LIN54: variants seen among roughly 807,000 people sequenced by gnomAD.
LIN54 encodes the protein lin-54 DREAM MuvB core complex component, also known as protein lin-54 homolog.
A neutral mutation model predicts 78.7 loss-of-function variants in LIN54; 9 were observed. The observed-to-expected ratio is 0.11, with a 90% CI of 0.07 to 0.20. The LOEUF (loss-of-function observed/expected upper bound fraction) is 0.20. Ranked by LOEUF, LIN54 falls within the 10% of genes least tolerant of loss-of-function variation. The pLI is 1.00. For missense variants in LIN54, 573 were observed against 889.9 expected (o/e 0.64, Z 4.53); for synonymous variants, 269 against 318.4 (o/e 0.84, Z 1.65).
chr4:82,975,539 C>T (rs967191307), intron 3 of LIN54, among the ~76,000 whole-genome samples: 1 of 151,796 alleles, frequency 6.6e-6, no homozygotes, highest in Non-Finnish European at 1.5e-5. Flanking sequence ...GGTGAAACCC[C>T]GTCTCCACTA....
intron 3 of LIN54, among the ~76,000 whole-genome samples, chr4:82,973,595 T>C (rs1340700836): frequency 1.3e-5 from 2 of 152,192 alleles, no homozygotes; most frequent in African/African-American, 4.8e-5. Context: ...AATATTTGAG[T>C]AAGGCCAAAT....
At chr4:82,969,513 G>A (rs181363847) in intron 4 of LIN54, among the ~76,000 whole-genome samples, 22 of 152,272 alleles carry the variant, frequency 1.4e-4, no homozygotes, top group African/African-American at 4.8e-4. Flanking sequence ...AACTGTATGA[G>A]ATAACATATT....
Position 82,984,317 on chromosome 4 carries a change from A to C in LIN54, c.528T>G (p.Ala176=). ...KVTTQAQSGD[A]KLPPQQIKVV... is the part of the protein sequence containing the mutation. Reference sequence around the variant, plus strand: ...CTTTAATTTGCTGCGGTGGTAACTTAGCATCTCCTGACTGGGCCTGAGTTG... The same window carrying C: ...CTTTAATTTGCTGCGGTGGTAACTTCGCATCTCCTGACTGGGCCTGAGTTG... The change falls in exon 2 of 13, where the codon GCT becomes GCG. Residue 176 remains alanine (A), a synonymous_variant. Coordinates refer to ENST00000340417, the MANE Select transcript of LIN54 (RefSeq NM_194282.4). The C allele has an allele frequency of 6.2e-7, 1 of 1,614,114 alleles. No homozygotes were observed.
chr4:82,934,500 C>T (rs755658842), intron 11 of LIN54, among the ~76,000 whole-genome samples: 5 of 152,224 alleles, frequency 3.3e-5, no homozygotes, highest in Non-Finnish European at 7.3e-5. Context: ...ATGTTACTCT[C>T]CTATTCCCTA....
At chr4:82,939,113 CA>C (rs1722630336) in intron 7 of LIN54, among the ~76,000 whole-genome samples, 1 of 152,190 alleles carries the variant, frequency 6.6e-6, no homozygotes, top group African/African-American at 2.4e-5. Context: ...GAAGATATGT[CA>C]CCTGGAAATG....
chr4:82,962,692 A>G (rs1267758042), intron 4 of LIN54, among the ~76,000 whole-genome samples: 1 of 152,092 alleles, frequency 6.6e-6, no homozygotes, highest in Non-Finnish European at 1.5e-5. Flanking sequence ...AAAAATCACA[A>G]ATGAAGAAGT....
At chr4:82,951,370 G>A (rs1578526880) in intron 4 of LIN54, among the ~76,000 whole-genome samples, 1 of 152,046 alleles carries the variant, frequency 6.6e-6, no homozygotes. Context: ...GAGTTATAGC[G>A]ACATGGATGA....
chr4:82,964,404 T>C (rs1368988298), intron 4 of LIN54, among the ~76,000 whole-genome samples: 2 of 152,196 alleles, frequency 1.3e-5, no homozygotes, highest in African/African-American at 4.8e-5. Flanking sequence ...TGCAGTAGAA[T>C]TAAACAAGTA....
upstream of LIN54, among the ~76,000 whole-genome samples, chr4:83,012,598 C>T (rs1456926981): frequency 6.6e-6 from 1 of 152,102 alleles, no homozygotes; most frequent in Non-Finnish European, 1.5e-5. Flanking sequence ...CCTTCGCCCC[C>T]CGCAACCCAG....
intron 1 of LIN54, among the ~76,000 whole-genome samples, chr4:83,004,915 G>A (rs1243331585): frequency 6.6e-6 from 1 of 152,084 alleles, no homozygotes; most frequent in Non-Finnish European, 1.5e-5. Context: ...TTGTTTTTGA[G>A]ACAGAGTCTG....
At chr4:82,983,307 C>G (rs1172306652) in intron 2 of LIN54, among the ~76,000 whole-genome samples, 1 of 152,076 alleles carries the variant, frequency 6.6e-6, no homozygotes, top group Admixed American at 6.6e-5. Context: ...GCCACCACGC[C>G]CCGCCGATCA....
At chr4:82,981,375 C>A (rs1726622450) in intron 2 of LIN54, among the ~76,000 whole-genome samples, 2 of 152,098 alleles carry the variant, frequency 1.3e-5, no homozygotes, top group Admixed American at 1.3e-4. Flanking sequence ...AAGGTCACCT[C>A]TTTTCTTCAT....
At chr4:82,993,310 G>T (rs1341552962) in intron 1 of LIN54, among the ~76,000 whole-genome samples, 4 of 147,146 alleles carry the variant, frequency 2.7e-5, no homozygotes, top group Non-Finnish European at 4.5e-5. Flanking sequence ...TCCGCCACCT[G>T]GGTTCAAGCG....
rs373735839 is a variant in LIN54, at chr4:82,970,398, C to T, written c.880G>A (p.Gly294Arg). The change falls in exon 4 of 13, where the codon GGA becomes AGA. Residue 294 changes from glycine to arginine, a missense_variant. By Grantham distance (125) the Gly-to-Arg change is moderately radical (BLOSUM62 -2). Around this residue, in one of 6 missense-constraint regions of LIN54, gnomAD observed 199 missense variants for 260.9 expected, o/e 0.76. Transcript: ENST00000340417. ...TGTGTTGTAGAATTTAAAGTTGATCCAATAACACCACTTTCAGATATTGTT... is the reference window on the plus strand; with the variant it reads ...TGTGTTGTAGAATTTAAAGTTGATCTAATAACACCACTTTCAGATATTGTT... ...TITISESGVIGSTLNSTTQTP... is the reference protein window; with the variant it reads ...TITISESGVIRSTLNSTTQTP... 43 of 1,612,772 alleles carry T rather than the reference C, an allele frequency of 2.7e-5. No homozygotes were observed. The highest frequency in any genetic ancestry group is 3.5e-5 in the Non-Finnish European group (41 of 1,179,262).
At chr4:82,992,714 C>T in intron 1 of LIN54, among the ~76,000 whole-genome samples, 1 of 152,120 alleles carries the variant, frequency 6.6e-6, no homozygotes, top group Admixed American at 6.6e-5. Flanking sequence ...ACCACGATGC[C>T]TGGCTTTTGT....
intron 1 of LIN54, among the ~76,000 whole-genome samples, chr4:82,994,483 C>T (rs367858866): frequency 1.4e-4 from 21 of 152,034 alleles, no homozygotes; most frequent in Admixed American, 9.2e-4. Flanking sequence ...CTGCAACCTC[C>T]ACCTCCCCGG....
At chr4:82,929,340 T>C (rs1210300049) in intron 12 of LIN54, among the ~76,000 whole-genome samples, 1 of 152,170 alleles carries the variant, frequency 6.6e-6, no homozygotes, top group Admixed American at 6.5e-5. Flanking sequence ...AAATTAATTA[T>C]AAATATTTTA....
chr4:82,952,925 C>T (rs908296193), intron 4 of LIN54, among the ~76,000 whole-genome samples: 33 of 152,106 alleles, frequency 2.2e-4, no homozygotes, highest in Admixed American at 2.2e-3. Flanking sequence ...ATTATGGAGA[C>T]ATTAGTAGAA....
At position 82,925,268 on chromosome 4, in the gene LIN54, G is replaced by A. The variant is rs2126020677; in HGVS notation, c.*2834C>T. The A allele has an allele frequency of 6.6e-6, 1 of 152,338 alleles. No homozygotes were observed. Among genetic ancestry groups the A allele is most frequent in the East Asian group, 1.9e-4 (1 of 5,188 alleles). 9.4% of individuals were successfully genotyped at this position (152,338 alleles called of 1,614,324 possible). A position where few individuals can be genotyped will look rare whatever the true frequency, so the allele number is the denominator to read the frequency against. On this transcript the variant is annotated 3_prime_UTR_variant, in exon 13 of 13. Coordinates refer to ENST00000340417, the MANE Select transcript of LIN54 (RefSeq NM_194282.4). ...TCTGATTGCCAGGCTGGAGTGCAGT[G>A]GTGTAATTTTGACTCACTACAGCCT... is the stretch of plus-strand genomic sequence containing the variant.
Sources: gnomAD v4.1 joint callset for allele counts (sites outside exome capture counted in the v4.1 genomes callset) on GRCh38, gnomAD v4.1.1 for gene constraint, gnomAD v4.1.1 regional missense constraint, MANE v1.5 for transcripts, NCBI Gene and HGNC (gene_info 2026-07-23, HGNC 2026-07-21) for gene names.